Variants in EPB41 observed in about 807,000 individuals in gnomAD.
The protein encoded by EPB41 is erythrocyte membrane protein band 4.1.
EPB41 carries 65 observed loss-of-function variants against 108.0 expected under a neutral mutation model. The observed-to-expected ratio is 0.60, with a 90% CI of 0.49 to 0.74. EPB41 has a LOEUF of 0.74. Among genes scored for constraint, EPB41 ranks in the 30% least tolerant of loss-of-function variants. The probability of loss-of-function intolerance (pLI) is 0.00; values close to 1 mark genes in which losing one functional copy is unlikely to be tolerated. For synonymous variants in EPB41, 336 were observed against 358.9 expected (o/e 0.94, Z 0.72); for missense variants, 875 against 1,037.0 (o/e 0.84, Z 2.15).
chr1:28,949,180 A>G (rs2094604729), intron 1 of EPB41, among the ~76,000 whole-genome samples: 1 of 152,168 alleles, frequency 6.6e-6, no homozygotes, highest in Non-Finnish European at 1.5e-5. Flanking sequence ...TTGGTGGCTC[A>G]TACCTGTAAT....
At chr1:29,024,569 G>A (rs2096694226) in intron 7 of EPB41, among the ~76,000 whole-genome samples, 2 of 151,930 alleles carry the variant, frequency 1.3e-5, no homozygotes, top group African/African-American at 4.8e-5. Flanking sequence ...AGGGGCGGAG[G>A]TTGCAGTGAG....
Position 29,030,408 on chromosome 1 carries a change from C to T in EPB41, c.1133C>T (p.Thr378Ile). Residue 378 changes from threonine to isoleucine, a missense_variant, in exon 8 of 21, where the codon ACT becomes ATT. By Grantham distance (89) the Thr-to-Ile change is moderately conservative. Transcript: ENST00000343067. ...MELHKSYRSM[T>I]PAQADLEFLE... ...TTTTTATTCTATCAAAGGTCCATGACTCCAGCTCAGGCTGACTTGGAGTTT... is the reference window on the plus strand; with the variant it reads ...TTTTTATTCTATCAAAGGTCCATGATTCCAGCTCAGGCTGACTTGGAGTTT... 1 of 1,613,922 alleles carries T rather than the reference C, an allele frequency of 6.2e-7. No homozygotes were observed. The highest frequency in any genetic ancestry group is 1.1e-5 in the South Asian group (1 of 91,074).
chr1:29,105,358 C>T (rs187560885), intron 17 of EPB41, among the ~76,000 whole-genome samples: 1 of 152,142 alleles, frequency 6.6e-6, no homozygotes, highest in Non-Finnish European at 1.5e-5. Flanking sequence ...CTGCCTCAGC[C>T]TCCTGAGTAG....
chr1:28,916,767 T>G (rs531872720), intron 1 of EPB41, among the ~76,000 whole-genome samples: 2 of 152,306 alleles, frequency 1.3e-5, no homozygotes, highest in South Asian at 2.1e-4. Context: ...GTTTTTAATC[T>G]GTAGGTTTTA....
At chr1:29,083,866 C>A (rs895907337) in intron 16 of EPB41, among the ~76,000 whole-genome samples, 1 of 152,136 alleles carries the variant, frequency 6.6e-6, no homozygotes, top group African/African-American at 2.4e-5. Flanking sequence ...GCAAAGCACT[C>A]GCAATTAACT....
intron 1 of EPB41, among the ~76,000 whole-genome samples, chr1:28,900,755 G>A (rs2091202927): frequency 6.6e-6 from 1 of 151,990 alleles, no homozygotes; most frequent in Admixed American, 6.6e-5. Context: ...TGTTAATGAC[G>A]AGAGGCATGA....
chr1:29,068,359 G>A (rs1649472384), intron 16 of EPB41, among the ~76,000 whole-genome samples: 1 of 152,182 alleles, frequency 6.6e-6, no homozygotes, highest in Non-Finnish European at 1.5e-5. Flanking sequence ...ATTTGAATTA[G>A]TCTCCATTTC....
At chr1:29,011,617 A>G (rs1275042162) in intron 4 of EPB41, among the ~76,000 whole-genome samples, 3 of 152,242 alleles carry the variant, frequency 2.0e-5, no homozygotes, top group African/African-American at 7.2e-5. Flanking sequence ...TAGATGAGGA[A>G]ACTGAGGTAC....
intron 1 of EPB41, among the ~76,000 whole-genome samples, chr1:28,896,873 T>C (rs150043093): frequency 6.6e-6 from 1 of 151,980 alleles, no homozygotes; most frequent in Non-Finnish European, 1.5e-5. Flanking sequence ...GGCGTGATAA[T>C]GAACTGCAGT....
Position 28,999,109 on chromosome 1 carries a change from G to A in EPB41, c.786+1790G>A, listed in dbSNP as rs187703222. On this transcript the variant is annotated intron_variant, in intron 4 of 20. Transcript: ENST00000343067. ...GAATTGGCGGGGTGTGGTGGCTCACGCCTGTAATCCCAGCACTTTGGGAGG... is the reference window on the plus strand; with the variant it reads ...GAATTGGCGGGGTGTGGTGGCTCACACCTGTAATCCCAGCACTTTGGGAGG... 3.3e-5 allele frequency among the ~76,000 whole-genome samples: 5 copies of A among 152,232 alleles called. No individual in the cohort carries two copies. The East Asian group carries it at 7.7e-4, about 24-fold the overall frequency.
intron 16 of EPB41, chr1:29,070,904 A>C (rs1651047290): frequency 3.5e-6 from 1 of 288,210 alleles, no homozygotes; most frequent in Non-Finnish European, 6.3e-6. Context: ...AAAAGCTTTA[A>C]CTCTTTTATC....
At chr1:29,102,585 TTTATTA>T (rs144948220) in intron 17 of EPB41, among the ~76,000 whole-genome samples, 60 of 151,662 alleles carry the variant, frequency 4.0e-4, no homozygotes, top group African/African-American at 1.4e-3. Context: ...AAAATTTTAT[TTTATTA>T]TTATTATTAT....
At chr1:29,110,486 C>A (rs1365238668) in intron 18 of EPB41, among the ~76,000 whole-genome samples, 1 of 152,120 alleles carries the variant, frequency 6.6e-6, no homozygotes, top group Non-Finnish European at 1.5e-5. Context: ...AGGGACAAGG[C>A]CATGAGAACT....
chr1:29,015,402 A>T (rs2096564685), intron 5 of EPB41, among the ~76,000 whole-genome samples: 1 of 151,868 alleles, frequency 6.6e-6, no homozygotes, highest in African/African-American at 2.4e-5. Context: ...TACTAAAAAT[A>T]CAAAATTAGC....
chr1:29,115,571 C>T lies in EPB41; in HGVS notation c.2497-128C>T, dbSNP rs1206010454. The T allele has an allele frequency of 1.7e-5, 14 of 805,174 alleles. No homozygotes were observed. The highest frequency in any genetic ancestry group is 2.5e-5 in the Non-Finnish European group (12 of 481,464). 49.9% of individuals were successfully genotyped at this position (805,174 alleles called of 1,614,324 possible). A position where few individuals can be genotyped will look rare whatever the true frequency, so the allele number is the denominator to read the frequency against. ...AAGGTAATTATCAGCTTGGCTTAGCCTAAAGCTGCCCTGGTACTGCAGACA... is the reference window on the plus strand; with the variant it reads ...AAGGTAATTATCAGCTTGGCTTAGCTTAAAGCTGCCCTGGTACTGCAGACA... On this transcript the variant is annotated intron_variant, in intron 19 of 20. Transcript: ENST00000343067. This position sits in a 1 kb window ranked among gnomAD's most constrained non-coding sequence, Gnocchi z 4.4.
chr1:29,049,504 G>A (rs991135045), intron 11 of EPB41, among the ~76,000 whole-genome samples: 2 of 152,130 alleles, frequency 1.3e-5, no homozygotes, highest in African/African-American at 4.8e-5. Context: ...TCACTAGAGT[G>A]GGCCTGAGCA....
chr1:28,897,603 GGGAGGGGAGGGGAGA>G (rs1557613562), intron 1 of EPB41, among the ~76,000 whole-genome samples: 1 of 78,470 alleles, frequency 1.3e-5, no homozygotes, highest in Non-Finnish European at 2.4e-5. Flanking sequence ...GGAAGGGAAG[GGGAGGGGAGGGGAGA>G]GGAGGGGAGA....
At position 28,988,191 on chromosome 1, in the gene EPB41, C is replaced by T. The variant is rs373018447; in HGVS notation, c.468+286C>T. Among the ~76,000 whole-genome samples the T allele has an allele frequency of 3.6e-3, 542 of 152,194 alleles. 5 individuals carry two copies. The highest frequency in any genetic ancestry group is 0.013 in the African/African-American group (520 of 41,530). ...GACAGGAGAAGTTGAACTCGGGAGG[C>T]GGAGGCTGCAGTGAGCTGAGATCGT... On this transcript the variant is annotated intron_variant, in intron 2 of 20. Transcript: ENST00000343067.
chr1:28,987,455 T>A lies in EPB41; in HGVS notation c.18T>A (p.Ser6Arg), dbSNP rs553290396. 6 of 1,613,876 alleles carry A rather than the reference T, an allele frequency of 3.7e-6. No individual in the cohort carries two copies. Among genetic ancestry groups the A allele is most frequent in the Middle Eastern group, 1.6e-4 (1 of 6,062 alleles). The change falls in exon 2 of 21, where the codon AGT becomes AGA. Residue 6 changes from serine to arginine, a missense_variant. This residue lies in a region of EPB41 where 353 missense variants were observed against 393.2 expected (regional missense o/e 0.90). Transcript: ENST00000343067. Reference protein sequence around the residue: MTTEKSLVTEAENSQH... With the variant: MTTEKRLVTEAENSQH... ...GCAACATCATGACAACAGAGAAGAG[T>A]TTAGTGACTGAGGCCGAAAATTCAC...
Sources: allele counts gnomAD v4.1 joint callset (sites outside exome capture counted in the v4.1 genomes callset), GRCh38; gene constraint gnomAD v4.1.1; regional missense constraint gnomAD v4.1.1; non-coding constraint Gnocchi (gnomAD v3.1); transcripts MANE v1.5; gene names NCBI Gene and HGNC (gene_info 2026-07-23, HGNC 2026-07-21).